Variants in EEA1 observed in about 807,000 individuals in gnomAD.
The protein encoded by EEA1 is early endosome antigen 1, 162kD.
A neutral mutation model predicts 209.2 loss-of-function variants in EEA1; 111 were observed. The ratio of observed to expected loss-of-function variants is 0.53; its 90% CI spans 0.45 to 0.62. The LOEUF is 0.62. EEA1 is among the 20% of genes least tolerant of loss of function. The pLI is 0.00. For missense variants in EEA1, 1,343 were observed against 1,530.8 expected (o/e 0.88, Z 2.05); for synonymous variants, 536 against 540.6 (o/e 0.99, Z 0.12).
chr12:92,809,836 CATATT>C (rs888338801), intron 17 of EEA1, among the ~76,000 whole-genome samples: 1 of 152,066 alleles, frequency 6.6e-6, no homozygotes, highest in African/African-American at 2.4e-5. Flanking sequence ...TCACTTAAAA[CATATT>C]ATCTTTTATA....
chr12:92,883,104 A>G (rs1879227253), intron 2 of EEA1, among the ~76,000 whole-genome samples: 1 of 152,178 alleles, frequency 6.6e-6, no homozygotes, highest in African/African-American at 2.4e-5. Context: ...AATAACAGCC[A>G]TTCTAACTGG....
rs187192679 is a variant in EEA1 at position 92,908,178 on chromosome 12, C to T, written c.25-16457G>A. 5.9e-3 allele frequency among the ~76,000 whole-genome samples: 897 copies of T among 152,176 alleles called. 6 individuals are homozygous for T. The highest frequency in any genetic ancestry group is 8.0e-3 in the Non-Finnish European group (547 of 68,006). ...GGAAGAAAATTCTGATAACATGCTG[C>T]AACATGAAGCTAGAAATAATTATGC... On this transcript the variant is annotated intron_variant, in intron 1 of 28. Coordinates refer to ENST00000322349, the MANE Select transcript of EEA1 (RefSeq NM_003566.4).
intron 1 of EEA1, among the ~76,000 whole-genome samples, chr12:92,926,665 T>TCTTA (rs1881228219): frequency 6.6e-6 from 1 of 152,196 alleles, no homozygotes; most frequent in African/African-American, 2.4e-5. Context: ...TAGCTTCATC[T>TCTTA]CTTACTAATT....
intron 2 of EEA1, among the ~76,000 whole-genome samples, chr12:92,891,081 ATTAC>A (rs1489139553): frequency 1.3e-5 from 2 of 152,264 alleles, no homozygotes; most frequent in African/African-American, 2.4e-5. Context: ...ATCATCCAAT[ATTAC>A]TTATTTATTA....
At chr12:92,842,705 T>C (rs1877221892) in intron 9 of EEA1, 124 bp from the exon 10 acceptor site, 6 of 640,978 alleles carry the variant, frequency 9.4e-6, no homozygotes, top group Admixed American at 3.4e-5. Flanking sequence ...AATTTTGTTC[T>C]TTATCCTACC....
chr12:92,876,206 G>A (rs182882626), intron 2 of EEA1, among the ~76,000 whole-genome samples: 164 of 152,176 alleles, frequency 1.1e-3, no homozygotes, highest in African/African-American at 3.7e-3. Context: ...CCGAGTAGCT[G>A]AGAATACAGG....
At chr12:92,798,326 T>C (rs1423123647) in intron 21 of EEA1, among the ~76,000 whole-genome samples, 2 of 151,680 alleles carry the variant, frequency 1.3e-5, no homozygotes, top group East Asian at 3.8e-4. Context: ...ATTATTTCCT[T>C]AAGTGTTACA....
At chr12:92,837,154 C>A (rs1419817536) in intron 10 of EEA1, among the ~76,000 whole-genome samples, 1 of 150,660 alleles carries the variant, frequency 6.6e-6, no homozygotes, top group East Asian at 1.9e-4. Flanking sequence ...CAACAACAAC[C>A]CACATTCACT....
Position 92,775,021 on chromosome 12 carries a change from A to T in EEA1, c.*990T>A, listed in dbSNP as rs1873595813. 1 of 151,774 alleles carries T rather than the reference A, an allele frequency of 6.6e-6. No homozygotes were observed. Among genetic ancestry groups the T allele is most frequent in the South Asian group, 2.1e-4 (1 of 4,834 alleles). 9.4% of individuals were successfully genotyped at this position (151,774 alleles called of 1,614,324 possible). ...TACATGAAGCTGATCTATGCTTGAA[A>T]ATGTTAAACCAAATAAAGGAAAAAA... is the stretch of plus-strand genomic sequence containing the variant. On this transcript the variant is annotated 3_prime_UTR_variant, in exon 29 of 29. Coordinates refer to ENST00000322349, the MANE Select transcript of EEA1 (RefSeq NM_003566.4).
At chr12:92,876,953 T>G (rs1006355063) in intron 2 of EEA1, among the ~76,000 whole-genome samples, 2 of 150,230 alleles carry the variant, frequency 1.3e-5, no homozygotes, top group African/African-American at 4.9e-5. Flanking sequence ...GTTTTTTTTT[T>G]TTGTTTTTGA....
chr12:92,872,547 A>C (rs1450711237), intron 2 of EEA1, among the ~76,000 whole-genome samples: 1 of 152,378 alleles, frequency 6.6e-6, no homozygotes, highest in East Asian at 1.9e-4. Context: ...GAGCCAAATA[A>C]AACCATCTTC....
At position 92,776,063 on chromosome 12, in the gene EEA1, G is replaced by A. The variant is rs919218215; in HGVS notation, c.4184C>T (p.Ser1395Phe). 2 of 1,611,604 alleles carry A rather than the reference G, an allele frequency of 1.2e-6. No individual in the cohort carries two copies. The highest frequency in any genetic ancestry group is 1.7e-6 in the Non-Finnish European group (2 of 1,178,442). The stretch of plus-strand genomic sequence containing the variant: ...ATCACAGACACGAACAGGCTTCTTG[G>A]AGGAAGGAGTTAAGGCATTTTTGGC... ...CSAKNALTPS[S>F]KKPVRVCDAC... The change falls in exon 29 of 29, where the codon TCC becomes TTC. Residue 1395 changes from serine to phenylalanine, a missense_variant. Physicochemically the swap from Ser to Phe is radical, Grantham distance 155 (BLOSUM62 -2). Around this residue, in one of 3 missense-constraint regions of EEA1, gnomAD observed 28 missense variants for 37.7 expected, o/e 0.74. Transcript: ENST00000322349.
intron 23 of EEA1, among the ~76,000 whole-genome samples, chr12:92,781,322 A>C (rs2136650142): frequency 6.6e-6 from 1 of 152,344 alleles, no homozygotes; most frequent in African/African-American, 2.4e-5. Context: ...AATTTCAGGA[A>C]CTGAACCATT....
intron 2 of EEA1, among the ~76,000 whole-genome samples, chr12:92,877,247 G>A (rs1878948794): frequency 6.6e-6 from 1 of 151,194 alleles, no homozygotes; most frequent in African/African-American, 2.4e-5. Flanking sequence ...CAAGTGCTGA[G>A]ATTTCAGGCA....
chr12:92,852,808 C>G, intron 7 of EEA1, 104 bp downstream of exon 7: 1 of 715,152 alleles, frequency 1.4e-6, no homozygotes, highest in Non-Finnish European at 2.3e-6. Flanking sequence ...AAGTCTATCA[C>G]AAATGCTTTA....
At chr12:92,876,408 T>C (rs1222898578) in intron 2 of EEA1, among the ~76,000 whole-genome samples, 1 of 152,136 alleles carries the variant, frequency 6.6e-6, no homozygotes, top group Non-Finnish European at 1.5e-5. Flanking sequence ...TCCACCCACT[T>C]GAATGTAAGC....
At chr12:92,861,439 G>C (rs948350279) in intron 3 of EEA1, among the ~76,000 whole-genome samples, 1 of 152,136 alleles carries the variant, frequency 6.6e-6, no homozygotes, top group Non-Finnish European at 1.5e-5. Flanking sequence ...TGGGCAACAA[G>C]TACAAAACTC....
intron 1 of EEA1, among the ~76,000 whole-genome samples, chr12:92,907,428 T>C (rs943728227): frequency 4.6e-5 from 7 of 152,202 alleles, no homozygotes; most frequent in African/African-American, 1.7e-4. Flanking sequence ...ACACACTCAT[T>C]TTGCCTAAAT....
At chr12:92,873,546 A>G (rs1176730529) in intron 2 of EEA1, among the ~76,000 whole-genome samples, 1 of 152,250 alleles carries the variant, frequency 6.6e-6, no homozygotes, top group African/African-American at 2.4e-5. Flanking sequence ...CATTGACAAC[A>G]TTAAGGAACT....
Sources: gnomAD v4.1 joint callset for allele counts (sites outside exome capture counted in the v4.1 genomes callset) on GRCh38, gnomAD v4.1.1 for gene constraint, gnomAD v4.1.1 regional missense constraint, MANE v1.5 for transcripts, NCBI Gene and HGNC (gene_info 2026-07-23, HGNC 2026-07-21) for gene names.